NALF1: variants seen among roughly 807,000 people sequenced by gnomAD.
NALF1 encodes NALCN channel auxiliary factor 1.
A neutral mutation model predicts 48.4 loss-of-function variants in NALF1; 3 were observed. The ratio of observed to expected loss-of-function variants is 0.06; its 90% CI spans 0.03 to 0.16. The LOEUF (loss-of-function observed/expected upper bound fraction) is 0.16, where lower values mean the gene tolerates loss of function less well. Ranked by LOEUF, NALF1 falls within the 10% of genes least tolerant of loss-of-function variation. The pLI is 1.00. For synonymous variants in NALF1, 262 were observed against 245.7 expected (o/e 1.07, Z -0.62); for missense variants, 526 against 571.5 (o/e 0.92, Z 0.81).
At chr13:107,260,319 T>C (rs1016065934) in intron 1 of NALF1, among the ~76,000 whole-genome samples, 1 of 152,198 alleles carries the variant, frequency 6.6e-6, no homozygotes, top group Admixed American at 6.5e-5. Context: ...TCCAGAAGAC[T>C]GAGGTTTAAA....
At chr13:107,586,117 A>G (rs898588854) in intron 1 of NALF1, among the ~76,000 whole-genome samples, 1 of 152,104 alleles carries the variant, frequency 6.6e-6, no homozygotes, top group East Asian at 1.9e-4. Flanking sequence ...AGAAAAATGG[A>G]AAGAAAGGGA....
At chr13:107,175,298 T>G (rs1310459223) in intron 2 of NALF1, among the ~76,000 whole-genome samples, 1 of 152,060 alleles carries the variant, frequency 6.6e-6, no homozygotes, top group East Asian at 1.9e-4. Context: ...GACTGCCTCT[T>G]AAAACTGACT....
rs78788564 is a variant in NALF1, at chr13:107,218,089, A to G, written c.916-7334T>C. On this transcript the variant is annotated intron_variant, in intron 1 of 2. Coordinates refer to ENST00000375915, the MANE Select transcript of NALF1 (RefSeq NM_001080396.3). ...CCACCCGGCACTCTGCTCTCTGGCC[A>G]CAGGAGTGACAAGCAGGTCACTCGA... 5.5e-3 allele frequency among the ~76,000 whole-genome samples: 835 copies of G among 152,118 alleles called. 6 individuals carry two copies. Among genetic ancestry groups the G allele is most frequent in the African/African-American group, 0.019 (799 of 41,486 alleles).
chr13:107,546,147 T>G (rs1396069390), intron 1 of NALF1, among the ~76,000 whole-genome samples: 1 of 152,138 alleles, frequency 6.6e-6, no homozygotes, highest in African/African-American at 2.4e-5. Flanking sequence ...AACACCCACT[T>G]GGCCTCTTGC....
intron 1 of NALF1, among the ~76,000 whole-genome samples, chr13:107,414,806 G>GGAGT (rs941861032): frequency 7.0e-6 from 1 of 142,822 alleles, no homozygotes; most frequent in Admixed American, 7.2e-5. Context: ...AGTTGTGTGT[G>GGAGT]GAGTGAGTGA....
At chr13:107,201,172 T>TATCTATCTATC (rs1879509500) in intron 2 of NALF1, among the ~76,000 whole-genome samples, 7 of 62,790 alleles carry the variant, frequency 1.1e-4, no homozygotes, top group African/African-American at 5.5e-4. Flanking sequence ...ATCTATCATC[T>TATCTATCTATC]ATCTATCTAT....
intron 1 of NALF1, among the ~76,000 whole-genome samples, chr13:107,292,711 T>A (rs1025134118): frequency 1.3e-5 from 2 of 152,184 alleles, no homozygotes; most frequent in African/African-American, 4.8e-5. Flanking sequence ...CCTGAGGCTG[T>A]TTACAGTTAA....
intron 1 of NALF1, among the ~76,000 whole-genome samples, chr13:107,520,119 A>G (rs1488646327): frequency 6.6e-6 from 1 of 152,204 alleles, no homozygotes; most frequent in African/African-American, 2.4e-5. Context: ...GCACACAGAA[A>G]TTCATTTGTA....
intron 1 of NALF1, among the ~76,000 whole-genome samples, chr13:107,445,991 T>A (rs71435238): frequency 0.12 from 18,200 of 152,088 alleles, 1,258 homozygotes; most frequent in Middle Eastern, 0.18. Flanking sequence ...CAGGCTGGAG[T>A]GCAGTGGCGC....
chr13:107,823,171 A>G (rs774247545), intron 1 of NALF1, among the ~76,000 whole-genome samples: 1 of 152,062 alleles, frequency 6.6e-6, no homozygotes, highest in Non-Finnish European at 1.5e-5. Context: ...TACCCTCCTC[A>G]TTTGTCTGGC....
intron 1 of NALF1, among the ~76,000 whole-genome samples, chr13:107,489,023 T>C (rs1026062004): frequency 6.6e-6 from 1 of 152,038 alleles, no homozygotes; most frequent in African/African-American, 2.4e-5. Flanking sequence ...CCATTTACAG[T>C]TGCAACAAAA....
At chr13:107,713,805 T>A (rs1339627910) in intron 1 of NALF1, among the ~76,000 whole-genome samples, 1 of 152,254 alleles carries the variant, frequency 6.6e-6, no homozygotes, top group African/African-American at 2.4e-5. Context: ...ATTCACAGCA[T>A]CACCCAATAT....
intron 1 of NALF1, among the ~76,000 whole-genome samples, chr13:107,317,043 C>T (rs1458631918): frequency 6.6e-6 from 1 of 151,992 alleles, no homozygotes; most frequent in Non-Finnish European, 1.5e-5. Context: ...CTATTGATTG[C>T]TATTTAGTAG....
chr13:107,623,756 C>T (rs1200387782), intron 1 of NALF1, among the ~76,000 whole-genome samples: 1 of 152,168 alleles, frequency 6.6e-6, no homozygotes, highest in Non-Finnish European at 1.5e-5. Context: ...TAATAATTAA[C>T]TAAGCAAATG....
At chr13:107,206,286 T>C (rs902137410) in intron 2 of NALF1, among the ~76,000 whole-genome samples, 1 of 152,204 alleles carries the variant, frequency 6.6e-6, no homozygotes, top group Admixed American at 6.5e-5. Flanking sequence ...ATTAAACATA[T>C]GCACGGGGAT....
At chr13:107,247,223 A>T (rs1307388357) in intron 1 of NALF1, among the ~76,000 whole-genome samples, 1 of 152,228 alleles carries the variant, frequency 6.6e-6, no homozygotes, top group Non-Finnish European at 1.5e-5. Flanking sequence ...AGTTACCCTA[A>T]GCATGGATTC....
At chr13:107,386,594 A>T (rs1215500382) in intron 1 of NALF1, among the ~76,000 whole-genome samples, 2 of 152,184 alleles carry the variant, frequency 1.3e-5, no homozygotes. Context: ...TGCAGTAGCT[A>T]ACTGTGTGAT....
chr13:107,199,142 G>C (rs988209164), intron 2 of NALF1, among the ~76,000 whole-genome samples: 1 of 151,896 alleles, frequency 6.6e-6, no homozygotes, highest in Non-Finnish European at 1.5e-5. Context: ...GGCTTTTAGG[G>C]TGGGTCCTAG....
intron 1 of NALF1, among the ~76,000 whole-genome samples, chr13:107,725,719 T>C (rs1291455146): frequency 3.3e-5 from 5 of 151,824 alleles, no homozygotes; most frequent in Admixed American, 3.3e-4. Context: ...CTGAACTGCC[T>C]TAATTCAACT....
Sources: allele counts gnomAD v4.1 joint callset (sites outside exome capture counted in the v4.1 genomes callset), GRCh38; gene constraint gnomAD v4.1.1; transcripts MANE v1.5; gene names NCBI Gene and HGNC (gene_info 2026-07-23, HGNC 2026-07-21).